Variants in CD163 observed in about 807,000 individuals in gnomAD.
CD163 encodes CD163 molecule.
A neutral mutation model predicts 129.2 loss-of-function variants in CD163; 64 were observed. That is an observed-to-expected ratio of 0.50 (90% CI 0.41 to 0.61). The LOEUF (loss-of-function observed/expected upper bound fraction) is 0.61. CD163 is among the 20% of genes least tolerant of loss of function. The pLI, the probability that CD163 is intolerant of heterozygous loss-of-function variation, is 0.00. For missense variants in CD163, 1,061 were observed against 1,377.9 expected, an observed-to-expected ratio of 0.77 and a Z score of 3.64; for synonymous variants, 446 against 478.5, an observed-to-expected ratio of 0.93 and a Z score of 0.89.
rs753684494 is a variant in CD163, at chr12:7,487,354, C to T, written c.2050+5G>A. Reference sequence around the variant, plus strand: ...CCCATCACTGGCTGCCCGTCATCCTCTTACCTGAGCAGATTACAGAGGCCA... The same window carrying T: ...CCCATCACTGGCTGCCCGTCATCCTTTTACCTGAGCAGATTACAGAGGCCA... On this transcript the variant is annotated splice_donor_5th_base_variant and intron_variant, in intron 8 of 16. Coordinates refer to ENST00000432237, the MANE Select transcript of CD163 (RefSeq NM_203416.4). This position sits in a 1 kb window ranked among gnomAD's most constrained non-coding sequence, Gnocchi z 5.1. The T allele has an allele frequency of 3.2e-6, 5 of 1,566,250 alleles. No homozygotes were observed. The African/African-American group carries it at 6.8e-5, about 21-fold the overall frequency.
chr12:7,480,170 T>C (rs1949143266), intron 15 of CD163: 7 of 543,976 alleles, frequency 1.3e-5, no homozygotes, highest in Non-Finnish European at 1.9e-5. Flanking sequence ...ACAGTAACAG[T>C]ACATGTTCCT....
chr12:7,493,334 G>T (rs1451497090), intron 6 of CD163, among the ~76,000 whole-genome samples: 1 of 152,102 alleles, frequency 6.6e-6, no homozygotes, highest in Non-Finnish European at 1.5e-5. Context: ...CCTTCTCAGA[G>T]GCCAGCACTT....
intron 1 of CD163, among the ~76,000 whole-genome samples, chr12:7,503,034 C>T (rs1949516155): frequency 6.6e-6 from 1 of 152,156 alleles, no homozygotes; most frequent in Non-Finnish European, 1.5e-5. Flanking sequence ...CTATCATGTT[C>T]ACCATAATTT....
At chr12:7,488,122 A>G (rs1397861102) in intron 6 of CD163, 35 bp from the exon 7 acceptor site, 10 of 1,534,250 alleles carry the variant, frequency 6.5e-6, no homozygotes, top group Non-Finnish European at 8.8e-6. Flanking sequence ...GAGAGGTAAT[A>G]TGATTTCCAG....
At position 7,485,316 on chromosome 12, in the gene CD163, A is replaced by G; in HGVS notation, c.2559T>C (p.Ser853=). The change falls in exon 11 of 17, where the codon AGT becomes AGC. Residue 853 remains serine, a synonymous_variant. Coordinates refer to ENST00000432237, the MANE Select transcript of CD163 (RefSeq NM_203416.4). The surrounding 1 kb of genome is among the most constrained non-coding windows in gnomAD (Gnocchi z 4.5). Reference sequence around the variant, plus strand: ...CACCCACAGTGGTTTCAGACATGCTACTCTTGCCAACAGTGCCCCAAGCTC... The same window carrying G: ...CACCCACAGTGGTTTCAGACATGCTGCTCTTGCCAACAGTGCCCCAAGCTC... ...YNGAWGTVGK[S]SMSETTVGVV... 1 of 1,614,164 alleles carries G rather than the reference A, an allele frequency of 6.2e-7. No individual in the cohort carries two copies. The highest frequency in any genetic ancestry group is 8.5e-7 in the Non-Finnish European group (1 of 1,180,022).
intron 14 of CD163, 23 bp from the exon 15 acceptor site, chr12:7,481,279 T>G: frequency 1.9e-6 from 3 of 1,571,766 alleles, no homozygotes; most frequent in Non-Finnish European, 2.6e-6. Context: ...ATCCCTAGGT[T>G]AGGGATCAGC....
At position 7,484,650 on chromosome 12, in the gene CD163, A is replaced by AAC. The variant is rs1949223188; in HGVS notation, c.2779+445_2779+446insGT. On this transcript the variant is annotated intron_variant, in intron 11 of 16. Coordinates refer to ENST00000432237, the MANE Select transcript of CD163 (RefSeq NM_203416.4). ...GCAAAACTCTGTCTCAAAAAAAAAA[A>AAC]AAAAAAAAACCTGTAGAATGTGGAA... Among the ~76,000 whole-genome samples, 5 of 151,770 alleles carry AAC rather than the reference A, an allele frequency of 3.3e-5. No homozygotes were observed. The South Asian group carries it at 1.0e-3, about 32-fold the overall frequency.
Position 7,485,271 on chromosome 12 carries a change from G to C in CD163, c.2604C>G (p.Gly868=). 6.2e-7 allele frequency: 1 copy of C among 1,614,180 alleles called. No homozygotes were observed. The highest frequency in any genetic ancestry group is 2.2e-5 in the East Asian group (1 of 44,888). The change falls in exon 11 of 17, where the codon GGC becomes GGG. Residue 868 remains glycine, a synonymous_variant. Transcript: ENST00000432237. This position sits in a 1 kb window ranked among gnomAD's most constrained non-coding sequence, Gnocchi z 4.5. ...GGTTGATTTTCCCTTTGTCTGCACA[G>C]CCCAGCTGCCTGCACACCACACCCA... ...TTVGVVCRQL[G]CADKGKINPA...
At position 7,495,411 on chromosome 12, in the gene CD163, A is replaced by G. The variant is rs1408359666; in HGVS notation, c.1100-10T>C. The stretch of plus-strand genomic sequence containing the variant: ...TCCAGATCTGATCCATCTGCAAAAG[A>G]AACATAAACTTAAACCATCGATACA... On this transcript the variant is annotated splice_polypyrimidine_tract_variant and intron_variant, in intron 5 of 16. Transcript: ENST00000432237. The G allele has an allele frequency of 1.9e-6, 3 of 1,611,148 alleles. No homozygotes were observed. In the South Asian group the frequency reaches 3.3e-5, roughly 18 times the overall value.
chr12:7,500,264 T>C (rs1949461985), intron 3 of CD163, among the ~76,000 whole-genome samples: 1 of 151,060 alleles, frequency 6.6e-6, no homozygotes, highest in Non-Finnish European at 1.5e-5. Flanking sequence ...CTACTAAAAA[T>C]ACAAAAATCA....
At chr12:7,500,369 C>A (rs1449144606) in intron 3 of CD163, among the ~76,000 whole-genome samples, 2 of 127,066 alleles carry the variant, frequency 1.6e-5, no homozygotes, top group African/African-American at 5.8e-5. Flanking sequence ...TGCAGTGAGC[C>A]GAGATAGCGC....
In CD163 at chr12:7,495,211, G is replaced by C. The variant is rs1439021427; in HGVS notation, c.1290C>G (p.Ile430Met). The C allele has an allele frequency of 1.2e-6, 2 of 1,614,136 alleles. No homozygotes were observed. The highest frequency in any genetic ancestry group is 1.7e-6 in the Non-Finnish European group (2 of 1,180,010). Residue 430 changes from isoleucine to methionine, a missense_variant, in exon 6 of 17, where the codon ATC becomes ATG. Ile to Met is a conservative substitution (Grantham distance 10). Transcript: ENST00000432237. ...GAAACAGCCATGTGTTTGTTGCCTG[G>C]ATTTTGGAGTACACTTGATAAGATG... ...LKTSYQVYSK[I>M]QATNTWLFLS...
At position 7,486,601 on chromosome 12, in the gene CD163, T is replaced by C. The variant is rs1413635423; in HGVS notation, c.2356A>G (p.Met786Val). 1.2e-6 allele frequency: 2 copies of C among 1,614,054 alleles called. No individual in the cohort carries two copies. The highest frequency in any genetic ancestry group is 1.1e-5 in the South Asian group (1 of 91,088). The change falls in exon 10 of 17, where the codon ATG (methionine) becomes GTG (valine). Residue 786 changes from methionine (M) to valine (V), a missense_variant. Physicochemically the swap from Met to Val is conservative, Grantham distance 21. Transcript: ENST00000432237. ...CGGGATTCTTTTCCATTGCATTTCATCTCATCCAGCCAGATGGGCCCTGTT... is the reference window on the plus strand; with the variant it reads ...CGGGATTCTTTTCCATTGCATTTCACCTCATCCAGCCAGATGGGCCCTGTT... The part of the protein sequence containing the change: ...EGTGPIWLDE[M>V]KCNGKESRIW...
rs755288590 is a variant in CD163 at position 7,494,974 on chromosome 12, G to A, written c.1420+107C>T. The stretch of plus-strand genomic sequence containing the variant: ...GTGGAATTTGTGTAGATATTTCCTG[G>A]TTTCTTGAGAGTGATCTAGTCATAA... On this transcript the variant is annotated intron_variant, in intron 6 of 16. Coordinates refer to ENST00000432237, the MANE Select transcript of CD163 (RefSeq NM_203416.4). 1.4e-3 allele frequency: 1,119 copies of A among 823,336 alleles called. 20 individuals are homozygous for A. In the South Asian group the frequency reaches 0.018, roughly 13 times the overall value. The allele number at this position is 823,336 out of a possible 1,614,324, so 51.0% of individuals were successfully genotyped here. A position where few individuals can be genotyped will look rare whatever the true frequency, so the allele number is the denominator to read the frequency against.
chr12:7,483,841 A>ATATATATATTTT (rs1442991429), intron 11 of CD163, 166 bp from the exon 12 acceptor site: 1 of 110,030 alleles, frequency 9.1e-6, no homozygotes, highest in East Asian at 2.8e-4. Context: ...ATATATATAT[A>ATATATATATTTT]TTTTTTTTTT....
intron 15 of CD163, chr12:7,480,526 T>A (rs1456607716): frequency 6.5e-6 from 1 of 153,076 alleles, no homozygotes; most frequent in Non-Finnish European, 1.5e-5. Context: ...GAAATGGGAA[T>A]GGAAGAAACT....
Position 7,499,003 on chromosome 12 carries a change from C to G in CD163, c.643G>C (p.Gly215Arg). ...AACCAGATTGGTCCAGAGCCTTCTC[C>G]AAAATTAGATGAACCAGAGAAACTG... The part of the protein sequence containing the change: ...AVSFSGSSNF[G>R]EGSGPIWFDD... Residue 215 changes from glycine (G) to arginine (R), a missense_variant, in exon 4 of 17, where the codon GGA becomes CGA. Physicochemically the swap from Gly to Arg is moderately radical, Grantham distance 125. Coordinates refer to ENST00000432237, the MANE Select transcript of CD163 (RefSeq NM_203416.4). 1 of 1,614,106 alleles carries G rather than the reference C, an allele frequency of 6.2e-7. No individual in the cohort carries two copies. The highest frequency in any genetic ancestry group is 8.5e-7 in the Non-Finnish European group (1 of 1,180,000).
chr12:7,487,250 C>T lies in CD163; in HGVS notation c.2050+109G>A, dbSNP rs777073320. The T allele has an allele frequency of 6.0e-4, 734 of 1,213,802 alleles. 5 individuals are homozygous for T. The African/African-American group carries it at 0.011, about 17-fold the overall frequency. The allele number at this position is 1,213,802 out of a possible 1,614,324, so 75.2% of individuals were successfully genotyped here. On this transcript the variant is annotated intron_variant, in intron 8 of 16. Transcript: ENST00000432237. This position sits in a 1 kb window ranked among gnomAD's most constrained non-coding sequence, Gnocchi z 5.1. ...ATATTCTGAAGCATGAATTAGTATT[C>T]ATTCTTCTCATGACCCTTCAAAATG...
At chr12:7,489,059 C>T (rs969172904) in intron 6 of CD163, among the ~76,000 whole-genome samples, 1 of 152,108 alleles carries the variant, frequency 6.6e-6, no homozygotes. Flanking sequence ...GACAGGGAAT[C>T]TGAAACATAG....
Sources: gnomAD v4.1 joint callset for allele counts (sites outside exome capture counted in the v4.1 genomes callset) on GRCh38, gnomAD v4.1.1 for gene constraint, Gnocchi (gnomAD v3.1) non-coding constraint, MANE v1.5 for transcripts, NCBI Gene and HGNC (gene_info 2026-07-23, HGNC 2026-07-21) for gene names.